The following NCKAP5 variants were observed in gnomAD, a reference collection of about 807,000 sequenced individuals.
NCKAP5 encodes the protein nck-associated protein 5.
A neutral mutation model predicts 167.0 loss-of-function variants in NCKAP5; 92 were observed. The ratio of observed to expected loss-of-function variants is 0.55; its 90% CI spans 0.47 to 0.66. The LOEUF (loss-of-function observed/expected upper bound fraction) is 0.66, where lower values mean the gene tolerates loss of function less well. NCKAP5 is among the 30% of genes least tolerant of loss of function. NCKAP5 has a pLI of 0.00. For missense variants in NCKAP5, 2,378 were observed against 2,315.0 expected, an observed-to-expected ratio of 1.03 and a Z score of -0.56; for synonymous variants, 891 against 877.4, an observed-to-expected ratio of 1.02 and a Z score of -0.27.
At chr2:133,144,610 G>A (rs1165883468) in intron 5 of NCKAP5, among the ~76,000 whole-genome samples, 1 of 152,152 alleles carries the variant, frequency 6.6e-6, no homozygotes, top group Admixed American at 6.5e-5. Context: ...GTGTTTTCTA[G>A]AAAGGATGAA....
chr2:132,991,963 T>A (rs1290229804), intron 7 of NCKAP5, among the ~76,000 whole-genome samples: 2 of 152,190 alleles, frequency 1.3e-5, no homozygotes, highest in Non-Finnish European at 2.9e-5. Context: ...ATGAAGGGGA[T>A]CTCCCTGGGA....
At chr2:133,111,762 G>C (rs1223869735) in intron 6 of NCKAP5, among the ~76,000 whole-genome samples, 1 of 152,166 alleles carries the variant, frequency 6.6e-6, no homozygotes, top group East Asian at 1.9e-4. Context: ...TTTCATTCAA[G>C]AGCCTCATTC....
intron 8 of NCKAP5, among the ~76,000 whole-genome samples, chr2:132,914,278 A>G (rs1165948830): frequency 6.6e-6 from 1 of 152,224 alleles, no homozygotes; most frequent in Admixed American, 6.5e-5. Context: ...AAAAAGGCAT[A>G]GAAATGTTTC....
chr2:133,163,991 A>G (rs1271209293), intron 5 of NCKAP5, among the ~76,000 whole-genome samples: 2 of 152,238 alleles, frequency 1.3e-5, no homozygotes, highest in African/African-American at 4.8e-5. Flanking sequence ...TGAACAAAGC[A>G]AGCATCAATT....
At chr2:132,728,112 G>T (rs1188976246) in intron 18 of NCKAP5, among the ~76,000 whole-genome samples, 2 of 152,192 alleles carry the variant, frequency 1.3e-5, no homozygotes, top group African/African-American at 4.8e-5. Context: ...AGGCACCAGG[G>T]CAGATGCTGC....
chr2:133,229,945 C>G (rs972174330), intron 4 of NCKAP5, among the ~76,000 whole-genome samples: 1 of 150,064 alleles, frequency 6.7e-6, no homozygotes, highest in Non-Finnish European at 1.5e-5. Flanking sequence ...AAGTTACTCA[C>G]ACTCTCTCTG....
chr2:133,634,874 CTT>C, the NCKAP5 span, among the ~76,000 whole-genome samples: 1 of 143,438 alleles, frequency 7.0e-6, no homozygotes, highest in African/African-American at 2.6e-5. Context: ...TCTTTTCTTT[CTT>C]TTTTTTTTTT....
intron 18 of NCKAP5, among the ~76,000 whole-genome samples, chr2:132,727,010 G>GTTAGTTAACGAACAAATGCTAACTGAA (rs1690521864): frequency 6.6e-6 from 1 of 152,204 alleles, no homozygotes; most frequent in South Asian, 2.1e-4. Flanking sequence ...CAGGCATCGT[G>GTTAGTTAACGAACAAATGCTAACTGAA]CCAGGTACTA....
chr2:132,742,062 G>A (rs997244622), intron 16 of NCKAP5, among the ~76,000 whole-genome samples: 1 of 152,012 alleles, frequency 6.6e-6, no homozygotes, highest in Non-Finnish European at 1.5e-5. Flanking sequence ...AATCCTAAAA[G>A]ATTATCTTTG....
Position 133,052,572 on chromosome 2 carries a change from G to T in NCKAP5, c.342-58333C>A, listed in dbSNP as rs569623812. On this transcript the variant is annotated intron_variant, in intron 6 of 19. Coordinates refer to ENST00000409261, the MANE Select transcript of NCKAP5 (RefSeq NM_207363.3). Reference sequence around the variant, plus strand: ...ATCTCTACTAAAAGTACAAAAATTAGTTGGGTGTGGTGGTGGGCACCTGTA... The same window carrying T: ...ATCTCTACTAAAAGTACAAAAATTATTTGGGTGTGGTGGTGGGCACCTGTA... Among the ~76,000 whole-genome samples, 19 of 152,170 alleles carry T rather than the reference G, an allele frequency of 1.2e-4. 1 individual carries two copies. The East Asian group carries it at 3.7e-3, about 30-fold the overall frequency.
At chr2:133,563,961 C>T (rs527888100) in intron 1 of NCKAP5, among the ~76,000 whole-genome samples, 1 of 152,244 alleles carries the variant, frequency 6.6e-6, no homozygotes, top group East Asian at 1.9e-4. Flanking sequence ...TGGTGAAACC[C>T]TATCTCTACT....
At chr2:132,979,996 CTTTTT>C (rs1273323851) in intron 7 of NCKAP5, among the ~76,000 whole-genome samples, 1 of 134,676 alleles carries the variant, frequency 7.4e-6, no homozygotes. Context: ...TTTTCTTTTT[CTTTTT>C]TTTTTTTTTT....
At chr2:133,031,146 G>A (rs1050219000) in intron 6 of NCKAP5, among the ~76,000 whole-genome samples, 6 of 152,040 alleles carry the variant, frequency 3.9e-5, no homozygotes, top group African/African-American at 1.4e-4. Flanking sequence ...AAAAATCAGG[G>A]GAGTATTCAC....
chr2:133,149,675 A>T (rs2083316761), intron 5 of NCKAP5, among the ~76,000 whole-genome samples: 1 of 152,132 alleles, frequency 6.6e-6, no homozygotes, highest in Admixed American at 6.5e-5. Context: ...CACTGCTCTC[A>T]CTAATTATTC....
intron 6 of NCKAP5, among the ~76,000 whole-genome samples, chr2:133,033,376 T>C (rs13394901): frequency 0.034 from 5,121 of 152,242 alleles, 264 homozygotes; most frequent in African/African-American, 0.12. Context: ...AGGCAAGCCT[T>C]CCCTATAAGG....
intron 6 of NCKAP5, among the ~76,000 whole-genome samples, chr2:133,041,225 ACT>A: frequency 6.6e-6 from 1 of 151,978 alleles, no homozygotes; most frequent in East Asian, 1.9e-4. Flanking sequence ...GAAAAGGAAA[ACT>A]CTGTTAAAGT....
At chr2:133,060,853 C>T (rs1185326266) in intron 6 of NCKAP5, among the ~76,000 whole-genome samples, 2 of 152,108 alleles carry the variant, frequency 1.3e-5, no homozygotes, top group Non-Finnish European at 2.9e-5. Context: ...GTGACATGCT[C>T]TTCCCCTAGT....
At chr2:132,781,557 A>G (rs944237100) in intron 14 of NCKAP5, among the ~76,000 whole-genome samples, 3 of 152,206 alleles carry the variant, frequency 2.0e-5, no homozygotes, top group African/African-American at 7.2e-5. Flanking sequence ...AAAGTTTCCA[A>G]GTATATGTTT....
In NCKAP5 at chr2:132,673,229, T is replaced by A. The variant is rs1350372286; in HGVS notation, c.*60A>T. Reference sequence around the variant, plus strand: ...TAAAATCACAGTATTGCTGTTAAATTTATTGAATGACTCTAGGGAAATTTT... The same window carrying A: ...TAAAATCACAGTATTGCTGTTAAATATATTGAATGACTCTAGGGAAATTTT... On this transcript the variant is annotated 3_prime_UTR_variant, in exon 20 of 20. Transcript: ENST00000409261. 4.1e-6 allele frequency: 6 copies of A among 1,478,520 alleles called. No homozygotes were observed. In the African/African-American group the frequency reaches 8.7e-5, roughly 21 times the overall value. 91.6% of individuals were successfully genotyped at this position (1,478,520 alleles called of 1,614,324 possible). A position where few individuals can be genotyped will look rare whatever the true frequency, so the allele number is the denominator to read the frequency against.
Sources: allele counts gnomAD v4.1 joint callset (sites outside exome capture counted in the v4.1 genomes callset), GRCh38; gene constraint gnomAD v4.1.1; transcripts MANE v1.5; gene names NCBI Gene and HGNC (gene_info 2026-07-23, HGNC 2026-07-21).